B4GALT6: variants seen among roughly 807,000 people sequenced by gnomAD.
B4GALT6 encodes beta-1,4-galactosyltransferase 6.
A neutral mutation model predicts 46.3 loss-of-function variants in B4GALT6; 14 were observed. That is an observed-to-expected ratio of 0.30 (90% CI 0.20 to 0.47). The LOEUF (loss-of-function observed/expected upper bound fraction) is 0.47. Among genes scored for constraint, B4GALT6 ranks in the 20% least tolerant of loss-of-function variants. The probability of loss-of-function intolerance (pLI) is 0.99; values close to 1 mark genes in which losing one functional copy is unlikely to be tolerated. For synonymous variants in B4GALT6, 168 were observed against 162.0 expected, an observed-to-expected ratio of 1.04 and a Z score of -0.28; for missense variants, 386 against 480.1, an observed-to-expected ratio of 0.80 and a Z score of 1.83.
chr18:31,704,387 A>G, the B4GALT6 span, among the ~76,000 whole-genome samples: 3 of 151,708 alleles, frequency 2.0e-5, no homozygotes, highest in Non-Finnish European at 4.4e-5. Flanking sequence ...TTATTTTTGT[A>G]TTTTTAGTAG....
At chr18:31,642,154 T>C (rs2073937795) in intron 4 of B4GALT6, among the ~76,000 whole-genome samples, 1 of 152,194 alleles carries the variant, frequency 6.6e-6, no homozygotes, top group Non-Finnish European at 1.5e-5. Context: ...AATCAGAATG[T>C]TTGAGGACTG....
At chr18:31,655,899 A>AT (rs2074132091) in intron 3 of B4GALT6, among the ~76,000 whole-genome samples, 1 of 151,712 alleles carries the variant, frequency 6.6e-6, no homozygotes, top group African/African-American at 2.4e-5. Context: ...ATCACCTGAG[A>AT]ATTTTTTTTT....
intron 3 of B4GALT6, among the ~76,000 whole-genome samples, chr18:31,648,044 CCTT>C (rs746423045): frequency 1.3e-5 from 2 of 152,128 alleles, no homozygotes; most frequent in African/African-American, 2.4e-5. Context: ...GAGGGAATGT[CCTT>C]CTTGTAAAGA....
At chr18:31,661,546 T>TCA (rs34896376) in intron 2 of B4GALT6, among the ~76,000 whole-genome samples, 3,135 of 151,216 alleles carry the variant, frequency 0.021, 68 homozygotes, top group East Asian at 0.1. Context: ...TCGCTCTCTC[T>TCA]CACACACACA....
chr18:31,680,128 T>C (rs2074463315), intron 1 of B4GALT6, among the ~76,000 whole-genome samples: 1 of 152,110 alleles, frequency 6.6e-6, no homozygotes. Flanking sequence ...GATATTCGGA[T>C]ACCAAATCCG....
the B4GALT6 span, among the ~76,000 whole-genome samples, chr18:31,723,561 T>C: frequency 2.8e-5 from 4 of 144,018 alleles, no homozygotes; most frequent in African/African-American, 1.2e-4. Flanking sequence ...AGCTATTCAC[T>C]AGGATTAAAG....
At chr18:31,685,266 C>T (rs2074532916), upstream of B4GALT6, among the ~76,000 whole-genome samples, 1 of 149,974 alleles carries the variant, frequency 6.7e-6, no homozygotes, top group African/African-American at 2.4e-5. Flanking sequence ...GCCGGGCCCG[C>T]GGACACCAGG....
At chr18:31,699,258 A>C in the B4GALT6 span, among the ~76,000 whole-genome samples, 12 of 138,086 alleles carry the variant, frequency 8.7e-5, no homozygotes, top group African/African-American at 3.3e-4. Flanking sequence ...GGCAATAGAC[A>C]GATATTTCTT....
the B4GALT6 span, among the ~76,000 whole-genome samples, chr18:31,693,227 A>T: frequency 2.0e-5 from 3 of 152,170 alleles, no homozygotes; most frequent in Non-Finnish European, 2.9e-5. Context: ...AGAACACGAG[A>T]ACACAACACA....
At chr18:31,673,181 G>T (rs1332433384) in intron 1 of B4GALT6, among the ~76,000 whole-genome samples, 8 of 152,138 alleles carry the variant, frequency 5.3e-5, no homozygotes, top group Non-Finnish European at 8.8e-5. Flanking sequence ...GAAGTGCACA[G>T]GGGCAGTGCA....
At chr18:31,718,408 G>T in the B4GALT6 span, among the ~76,000 whole-genome samples, 2 of 152,220 alleles carry the variant, frequency 1.3e-5, no homozygotes, top group Non-Finnish European at 2.9e-5. Flanking sequence ...GATAGGGCCT[G>T]TTTATAAGAC....
rs1205767751 is a variant in B4GALT6, at chr18:31,684,373, G to A, written c.54C>T (p.Phe18=). ...ACGAAGAGAGGGAGAAGAAGAAGAT[G>A]AAGGCGAGGAGAGAGCGATTGGAAA... ...MRVSNRSLLA[F]IFFFSLSSSC... The change falls in exon 1 of 9, where the codon TTC becomes TTT. Residue 18 remains phenylalanine (F), a synonymous_variant. Coordinates refer to ENST00000306851, the MANE Select transcript of B4GALT6 (RefSeq NM_004775.5). 1 of 1,613,834 alleles carries A rather than the reference G, an allele frequency of 6.2e-7. No individual in the cohort carries two copies. The highest frequency in any genetic ancestry group is 1.3e-5 in the African/African-American group (1 of 74,890).
At chr18:31,649,024 T>C (rs2074027131) in intron 3 of B4GALT6, among the ~76,000 whole-genome samples, 1 of 152,194 alleles carries the variant, frequency 6.6e-6, no homozygotes, top group Non-Finnish European at 1.5e-5. Flanking sequence ...CCTAGAAATG[T>C]CCCTTAGGGT....
At chr18:31,673,481 G>T (rs997835388) in intron 1 of B4GALT6, among the ~76,000 whole-genome samples, 2 of 152,128 alleles carry the variant, frequency 1.3e-5, no homozygotes, top group African/African-American at 4.8e-5. Context: ...CTGGTGGTCA[G>T]CAACGAGGAT....
Position 31,623,008 on chromosome 18 carries a change from T to C in B4GALT6, c.*2606A>G, listed in dbSNP as rs140359087. 2.5e-3 allele frequency: 376 copies of C among 152,186 alleles called. 3 individuals are homozygous for C. Among genetic ancestry groups the C allele is most frequent in the African/African-American group, 8.6e-3 (357 of 41,568 alleles). The allele number at this position is 152,186 out of a possible 1,614,324, so 9.4% of individuals were successfully genotyped here. On this transcript the variant is annotated 3_prime_UTR_variant, in exon 9 of 9. Coordinates refer to ENST00000306851, the MANE Select transcript of B4GALT6 (RefSeq NM_004775.5). ...ACTAGGAAATACAACAGATAAGTTA[T>C]CAGAAGATGTCTTCATAATTTCAGA...
chr18:31,695,040 T>G, the B4GALT6 span, among the ~76,000 whole-genome samples: 5 of 152,182 alleles, frequency 3.3e-5, no homozygotes, highest in Admixed American at 2.0e-4. Flanking sequence ...TAATAATTCT[T>G]AAGAATCATG....
intron 1 of B4GALT6, among the ~76,000 whole-genome samples, chr18:31,683,125 A>C (rs2074500217): frequency 6.6e-6 from 1 of 152,224 alleles, no homozygotes; most frequent in African/African-American, 2.4e-5. Context: ...ACTGAATCCA[A>C]AAATTAATTA....
intron 3 of B4GALT6, among the ~76,000 whole-genome samples, chr18:31,653,145 C>T (rs906790634): frequency 2.6e-5 from 4 of 152,028 alleles, no homozygotes; most frequent in African/African-American, 9.7e-5. Flanking sequence ...TGAAGCTCAC[C>T]TCATGGATGC....
At chr18:31,709,207 C>A in the B4GALT6 span, among the ~76,000 whole-genome samples, 7 of 151,708 alleles carry the variant, frequency 4.6e-5, no homozygotes, top group Admixed American at 2.6e-4. Context: ...AGAAAAAGAA[C>A]TTTTAAAAAT....
Sources: allele counts gnomAD v4.1 joint callset (sites outside exome capture counted in the v4.1 genomes callset), GRCh38; gene constraint gnomAD v4.1.1; transcripts MANE v1.5; gene names NCBI Gene and HGNC (gene_info 2026-07-23, HGNC 2026-07-21).